Variants in PLPP1 observed in about 807,000 individuals in gnomAD.
PLPP1 encodes the protein lipid phosphate phosphohydrolase 1a.
In PLPP1, 24 loss-of-function variants were observed where a neutral mutation model predicts 31.2. The ratio of observed to expected loss-of-function variants is 0.77; its 90% CI spans 0.56 to 1.08. The LOEUF is 1.08. Among genes scored for constraint, PLPP1 ranks in the 50% least tolerant of loss-of-function variants. The probability of loss-of-function intolerance (pLI) is 0.00; values close to 1 mark genes in which losing one functional copy is unlikely to be tolerated. For missense variants in PLPP1, 319 were observed against 342.7 expected (o/e 0.93, Z 0.55); for synonymous variants, 146 against 126.3 (o/e 1.16, Z -1.05).
At chr5:55,463,516 C>A (rs1752215056) in intron 3 of PLPP1, among the ~76,000 whole-genome samples, 1 of 151,944 alleles carries the variant, frequency 6.6e-6, no homozygotes, top group South Asian at 2.1e-4. Context: ...CAAAAATTAG[C>A]TGGGCATGGT....
intron 1 of PLPP1, among the ~76,000 whole-genome samples, chr5:55,531,250 A>G (rs1740659014): frequency 6.6e-6 from 1 of 152,220 alleles, no homozygotes; most frequent in South Asian, 2.1e-4. Context: ...TCTTTTTCCA[A>G]GGATTTATCA....
At chr5:55,441,961 TTG>T in intron 3 of PLPP1, 53 bp from the exon 4 acceptor site, 1 of 1,541,308 alleles carries the variant, frequency 6.5e-7, no homozygotes, top group Non-Finnish European at 9.0e-7. Context: ...GCCAAAAGTA[TTG>T]TTGATTTCAT....
intron 1 of PLPP1, among the ~76,000 whole-genome samples, chr5:55,503,412 T>G (rs1307734595): frequency 6.6e-6 from 1 of 152,188 alleles, no homozygotes; most frequent in African/African-American, 2.4e-5. Flanking sequence ...TAGTCATTAC[T>G]ATCAGAGCAG....
chr5:55,475,551 C>A (rs1454783455), intron 1 of PLPP1, 101 bp from the exon 2 acceptor site: 6 of 1,067,998 alleles, frequency 5.6e-6, no homozygotes, highest in South Asian at 1.9e-5. Flanking sequence ...ATGCATTTGC[C>A]ATGAAAATAA....
At chr5:55,483,799 G>C (rs1485688651) in intron 1 of PLPP1, among the ~76,000 whole-genome samples, 1 of 151,634 alleles carries the variant, frequency 6.6e-6, no homozygotes, top group Non-Finnish European at 1.5e-5. Flanking sequence ...CCACATCCCA[G>C]AGTAAAGGAA....
At chr5:55,530,350 A>G in intron 1 of PLPP1, 4 of 1,379,758 alleles carry the variant, frequency 2.9e-6, no homozygotes, top group Non-Finnish European at 4.1e-6. Context: ...ACTATCTGAA[A>G]TAAGTGATTA....
At chr5:55,457,937 C>T (rs552034123) in intron 3 of PLPP1, among the ~76,000 whole-genome samples, 1 of 151,658 alleles carries the variant, frequency 6.6e-6, no homozygotes, top group South Asian at 2.1e-4. Flanking sequence ...ACTTTAGGTA[C>T]ACTCATCACC....
At chr5:55,449,612 T>C (rs1425542541) in intron 3 of PLPP1, among the ~76,000 whole-genome samples, 2 of 152,200 alleles carry the variant, frequency 1.3e-5, no homozygotes, top group East Asian at 1.9e-4. Context: ...TGTTTTAACA[T>C]ATATATGTAT....
intron 4 of PLPP1, among the ~76,000 whole-genome samples, chr5:55,435,660 G>T (rs1377004554): frequency 6.6e-6 from 1 of 152,122 alleles, no homozygotes; most frequent in Non-Finnish European, 1.5e-5. Context: ...GAAGAGACAT[G>T]GGTTTCCAGG....
chr5:55,504,814 C>CTTT (rs1170388009), intron 1 of PLPP1, among the ~76,000 whole-genome samples: 2 of 138,036 alleles, frequency 1.4e-5, no homozygotes, highest in Non-Finnish European at 1.6e-5. Context: ...CCTAACTTTC[C>CTTT]TTTTTTTTTT....
intron 3 of PLPP1, among the ~76,000 whole-genome samples, chr5:55,448,964 T>C (rs565982662): frequency 1.3e-5 from 2 of 152,346 alleles, no homozygotes; most frequent in East Asian, 1.9e-4. Context: ...ATGTAAATAG[T>C]TGTCCTACTG....
At chr5:55,457,300 C>T (rs1752038290) in intron 3 of PLPP1, among the ~76,000 whole-genome samples, 1 of 152,046 alleles carries the variant, frequency 6.6e-6, no homozygotes, top group Non-Finnish European at 1.5e-5. Flanking sequence ...CGGACACTTG[C>T]ATATGGATGG....
chr5:55,475,792 G>A (rs1187340384), intron 1 of PLPP1, among the ~76,000 whole-genome samples: 13 of 152,056 alleles, frequency 8.5e-5, no homozygotes, highest in Non-Finnish European at 1.8e-4. Context: ...GGTTTTTAAC[G>A]CTACTTCCAA....
At chr5:55,502,109 C>G (rs1753158832) in intron 1 of PLPP1, among the ~76,000 whole-genome samples, 1 of 152,126 alleles carries the variant, frequency 6.6e-6, no homozygotes, top group Admixed American at 6.5e-5. Flanking sequence ...TTAATATAAA[C>G]CAGCTTTAGT....
chr5:55,493,572 GTC>G, intron 1 of PLPP1, among the ~76,000 whole-genome samples: 1 of 152,040 alleles, frequency 6.6e-6, no homozygotes, highest in South Asian at 2.1e-4. Context: ...GCAAGACCCT[GTC>G]TCTAAAAAAT....
At chr5:55,489,315 G>C (rs1752839334) in intron 1 of PLPP1, among the ~76,000 whole-genome samples, 1 of 152,170 alleles carries the variant, frequency 6.6e-6, no homozygotes, top group Non-Finnish European at 1.5e-5. Context: ...CAGTTGCTCA[G>C]AATCATGGCT....
In PLPP1 at chr5:55,507,633, T is replaced by C. The variant is rs185864469; in HGVS notation, c.58+26939A>G. On this transcript the variant is annotated intron_variant, in intron 1 of 5. Transcript: ENST00000307259. ...CAATAAGTTTAAAAGGTAAATATTA[T>C]TGTATAATTTTGAAAATGAGGAAAC... 9.8e-4 allele frequency among the ~76,000 whole-genome samples: 149 copies of C among 152,256 alleles called. 1 individual carries two copies. The highest frequency in any genetic ancestry group is 1.7e-3 in the Non-Finnish European group (113 of 68,012).
chr5:55,484,121 T>C (rs1485026793), intron 1 of PLPP1, among the ~76,000 whole-genome samples: 3 of 152,198 alleles, frequency 2.0e-5, no homozygotes, highest in Non-Finnish European at 4.4e-5. Flanking sequence ...GGACAGGACA[T>C]GCCCAGTCTT....
chr5:55,500,500 G>T (rs966222276), intron 1 of PLPP1, among the ~76,000 whole-genome samples: 2 of 152,040 alleles, frequency 1.3e-5, no homozygotes, highest in African/African-American at 4.8e-5. Context: ...TTAACAGTGG[G>T]GGCTAAATAG....
Sources: allele counts gnomAD v4.1 joint callset (sites outside exome capture counted in the v4.1 genomes callset), GRCh38; gene constraint gnomAD v4.1.1; transcripts MANE v1.5; gene names NCBI Gene and HGNC (gene_info 2026-07-23, HGNC 2026-07-21).